USP31: variants seen among roughly 807,000 people sequenced by gnomAD.
USP31 encodes the protein ubiquitin carboxyl-terminal hydrolase 31.
A neutral mutation model predicts 119.4 loss-of-function variants in USP31; 44 were observed. The observed-to-expected ratio is 0.37, with a 90% CI of 0.29 to 0.47. USP31 has a LOEUF of 0.47. Among genes scored for constraint, USP31 ranks in the 20% least tolerant of loss-of-function variants. The probability of loss-of-function intolerance (pLI) is 0.99; values close to 1 mark genes in which losing one functional copy is unlikely to be tolerated. For missense variants in USP31, 1,643 were observed against 1,730.2 expected (o/e 0.95, Z 0.89); for synonymous variants, 749 against 705.6 (o/e 1.06, Z -0.97).
intron 1 of USP31, among the ~76,000 whole-genome samples, chr16:23,147,355 C>G (rs1004671338): frequency 2.0e-5 from 3 of 152,156 alleles, no homozygotes; most frequent in African/African-American, 4.8e-5. Flanking sequence ...GTGATCCACC[C>G]GCCTTGGCCT....
intron 1 of USP31, among the ~76,000 whole-genome samples, chr16:23,114,867 T>C (rs975461325): frequency 6.6e-6 from 1 of 152,236 alleles, no homozygotes; most frequent in African/African-American, 2.4e-5. Flanking sequence ...GTCCTCTTTC[T>C]GCCTCTTTTT....
intron 9 of USP31, among the ~76,000 whole-genome samples, chr16:23,085,866 C>T (rs77388316): frequency 1.3e-5 from 2 of 152,126 alleles, no homozygotes; most frequent in African/African-American, 4.8e-5. Context: ...AACTGAAAAA[C>T]CCTTAAATTA....
rs561368456 is a variant in USP31 at position 23,082,370 on chromosome 16, C to T, written c.1950+68G>A. 30 of 1,594,368 alleles carry T rather than the reference C, an allele frequency of 1.9e-5. No homozygotes were observed. In the South Asian group the frequency reaches 3.3e-4, roughly 17 times the overall value. On this transcript the variant is annotated intron_variant, in intron 12 of 15. Transcript: ENST00000219689. ...GGTATACCAAAGAACCCTCACAGAG[C>T]CCATCAGCAGGGGGCATAAGAAACT...
intron 2 of USP31, among the ~76,000 whole-genome samples, chr16:23,107,370 G>A (rs1253270235): frequency 6.6e-6 from 1 of 152,152 alleles, no homozygotes; most frequent in Non-Finnish European, 1.5e-5. Context: ...TCAGCCACAC[G>A]CATATAGTCA....
chr16:23,079,212 A>G (rs1358165100), intron 13 of USP31: 1 of 151,564 alleles, frequency 6.6e-6, no homozygotes, highest in Non-Finnish European at 1.5e-5. Context: ...TTAAAATGGT[A>G]CATTTTCTTA....
At chr16:23,126,808 G>A (rs149608273) in intron 1 of USP31, among the ~76,000 whole-genome samples, 4 of 152,014 alleles carry the variant, frequency 2.6e-5, no homozygotes, top group Admixed American at 2.6e-4. Flanking sequence ...TTAGCGACAC[G>A]AAGAAAAGCA....
Position 23,149,438 on chromosome 16 carries a change from A to C in USP31, c.-168T>G, listed in dbSNP as rs1042687566. 6.8e-6 allele frequency among the ~76,000 whole-genome samples: 1 copy of C among 147,752 alleles called. No individual in the cohort carries two copies. Among genetic ancestry groups the C allele is most frequent in the Non-Finnish European group, 1.5e-5 (1 of 66,244 alleles). On this transcript the variant is annotated 5_prime_UTR_variant, in exon 1 of 16. Transcript: ENST00000219689. The stretch of plus-strand genomic sequence containing the variant: ...CGAGCGAGCGGCGGCCGGCGGGGCC[A>C]GCGGGCGCGCGCGCGGTCCGCCCAG...
chr16:23,141,707 T>C (rs1049498696), intron 1 of USP31, among the ~76,000 whole-genome samples: 7 of 152,294 alleles, frequency 4.6e-5, no homozygotes, highest in Non-Finnish European at 7.4e-5. Context: ...TATTTACCAG[T>C]GTTTATTGAA....
chr16:23,080,314 A>T (rs1900761099), intron 12 of USP31, 143 bp from the exon 13 acceptor site: 1 of 718,146 alleles, frequency 1.4e-6, no homozygotes, highest in Non-Finnish European at 2.3e-6. Context: ...AATCAGGGAA[A>T]CAGATGATAG....
At chr16:23,108,268 G>C in intron 1 of USP31, 85 bp from the exon 2 acceptor site, 4 of 1,506,374 alleles carry the variant, frequency 2.7e-6, no homozygotes, top group Non-Finnish European at 2.7e-6. Flanking sequence ...CAAAAGGGAT[G>C]CAAGATCTCA....
intron 1 of USP31, among the ~76,000 whole-genome samples, chr16:23,119,157 G>A (rs1397414194): frequency 1.3e-5 from 2 of 149,480 alleles, no homozygotes; most frequent in African/African-American, 4.9e-5. Context: ...GGAGTGCAGT[G>A]GCACAATCTC....
In USP31 at chr16:23,069,399, T is replaced by C; in HGVS notation, c.2706A>G (p.Ala902=). The part of the protein sequence containing the change: ...SASTLEKIGE[A]ADDKVSISCF... The stretch of plus-strand genomic sequence containing the variant: ...AAGAGATGGAGACCTTGTCATCTGC[T>C]GCCTCCCCAATCTTCTCCAAGGTGG... Residue 902 remains alanine (A), a synonymous_variant, in exon 16 of 16, where the codon GCA becomes GCG. Coordinates refer to ENST00000219689, the MANE Select transcript of USP31 (RefSeq NM_020718.4). The C allele has an allele frequency of 6.2e-7, 1 of 1,612,170 alleles. No individual in the cohort carries two copies. Among genetic ancestry groups the C allele is most frequent in the East Asian group, 2.2e-5 (1 of 44,812 alleles).
chr16:23,149,030 C>G lies in USP31; in HGVS notation c.241G>C (p.Glu81Gln). 1 of 1,193,596 alleles carries G rather than the reference C, an allele frequency of 8.4e-7. No homozygotes were observed. The highest frequency in any genetic ancestry group is 1.1e-6 in the Non-Finnish European group (1 of 940,794). 73.9% of individuals were successfully genotyped at this position (1,193,596 alleles called of 1,614,324 possible). ...CCGCCGCGGTCTGGGGCGGCGCCCT[C>G]AGAGCTAAGGTGCGAGAGCGTGGAC... ...TLSTLSHLSSEGAAPDRGGLR... is the reference protein window; with the variant it reads ...TLSTLSHLSSQGAAPDRGGLR... Residue 81 changes from glutamate (E) to glutamine (Q), a missense_variant, in exon 1 of 16, where the codon GAG (glutamate) becomes CAG (glutamine). Transcript: ENST00000219689.
Position 23,063,177 on chromosome 16 carries a change from CAT to C in USP31, c.*4867_*4868del, listed in dbSNP as rs1899920567. 1.3e-5 allele frequency: 2 copies of C among 152,210 alleles called. No homozygotes were observed. Among genetic ancestry groups the C allele is most frequent in the African/African-American group, 2.4e-5 (1 of 41,442 alleles). 9.4% of individuals were successfully genotyped at this position (152,210 alleles called of 1,614,324 possible). ...GCTTAAAAGAATCTTGAGGAAAATACATGTGTGAGATTCAAAAAAGTCTCTCA... is the reference window on the plus strand; with the variant it reads ...GCTTAAAAGAATCTTGAGGAAAATACGTGTGAGATTCAAAAAAGTCTCTCA... On this transcript the variant is annotated 3_prime_UTR_variant, in exon 16 of 16. Transcript: ENST00000219689.
rs1180672143 is a variant in USP31 at position 23,065,251 on chromosome 16, T to C, written c.*2795A>G. Reference sequence around the variant, plus strand: ...GATGTCAACGAGAAACCCAGGCCTATCATCCCTAGCAGATAATTTTTAACC... The same window carrying C: ...GATGTCAACGAGAAACCCAGGCCTACCATCCCTAGCAGATAATTTTTAACC... On this transcript the variant is annotated 3_prime_UTR_variant, in exon 16 of 16. Transcript: ENST00000219689. The C allele has an allele frequency of 6.6e-6, 1 of 151,236 alleles. No homozygotes were observed. The highest frequency in any genetic ancestry group is 1.5e-5 in the Non-Finnish European group (1 of 67,930). 9.4% of individuals were successfully genotyped at this position (151,236 alleles called of 1,614,324 possible).
intron 1 of USP31, among the ~76,000 whole-genome samples, chr16:23,111,607 A>G (rs546108671): frequency 7.0e-4 from 106 of 152,318 alleles, no homozygotes; most frequent in African/African-American, 2.5e-3. Context: ...TTGGAATTCA[A>G]CAGATGGGGG....
At chr16:23,111,679 C>G (rs1456956563) in intron 1 of USP31, among the ~76,000 whole-genome samples, 3 of 151,878 alleles carry the variant, frequency 2.0e-5, no homozygotes, top group African/African-American at 2.4e-5. Flanking sequence ...AGAGACTGAG[C>G]CAGAGGACAG....
At chr16:23,132,764 T>C (rs1052269169) in intron 1 of USP31, among the ~76,000 whole-genome samples, 6 of 152,214 alleles carry the variant, frequency 3.9e-5, no homozygotes, top group African/African-American at 1.4e-4. Flanking sequence ...GTTCAAATAC[T>C]GTATGACCCA....
intron 9 of USP31, among the ~76,000 whole-genome samples, 169 bp downstream of exon 9, chr16:23,086,923 C>T (rs2141847907): frequency 6.6e-6 from 1 of 152,238 alleles, no homozygotes; most frequent in Middle Eastern, 3.4e-3. Context: ...CAAGAAAGAT[C>T]ATCAAACATA....
Sources: gnomAD v4.1 joint callset for allele counts (sites outside exome capture counted in the v4.1 genomes callset) on GRCh38, gnomAD v4.1.1 for gene constraint, MANE v1.5 for transcripts, NCBI Gene and HGNC (gene_info 2026-07-23, HGNC 2026-07-21) for gene names.